JHY: variants seen among roughly 807,000 people sequenced by gnomAD.
JHY encodes junctional cadherin complex regulator.
JHY carries 69 observed loss-of-function variants against 78.0 expected under a neutral mutation model. That is an observed-to-expected ratio of 0.88 (90% CI 0.73 to 1.08). The LOEUF (loss-of-function observed/expected upper bound fraction) is 1.08. Ranked by LOEUF, JHY falls within the 50% of genes least tolerant of loss-of-function variation. The pLI, the probability that JHY is intolerant of heterozygous loss-of-function variation, is 0.00. For synonymous variants in JHY, 368 were observed against 342.6 expected (o/e 1.07, Z -0.82); for missense variants, 944 against 927.8 (o/e 1.02, Z -0.23).
At chr11:122,884,131 A>T (rs573113927) in intron 1 of JHY, among the ~76,000 whole-genome samples, 1 of 152,372 alleles carries the variant, frequency 6.6e-6, no homozygotes, top group East Asian at 1.9e-4. Flanking sequence ...ACCAGTCTGT[A>T]ATATTAGAGA....
intron 4 of JHY, chr11:122,927,123 A>G (rs1863524670): frequency 6.6e-6 from 1 of 152,218 alleles, no homozygotes; most frequent in Admixed American, 6.5e-5. Flanking sequence ...ACCCACCATG[A>G]TGACTTGAAA....
At chr11:122,926,187 C>CAAAAAAAAAAAA (rs574945272) in intron 4 of JHY, among the ~76,000 whole-genome samples, 1 of 40,076 alleles carries the variant, frequency 2.5e-5, no homozygotes, top group East Asian at 8.7e-4. Flanking sequence ...GACTCCATCT[C>CAAAAAAAAAAAA]AAAAAAAAAA....
At chr11:122,884,546 C>T (rs1395061679) in intron 1 of JHY, among the ~76,000 whole-genome samples, 2 of 152,130 alleles carry the variant, frequency 1.3e-5, no homozygotes, top group East Asian at 1.9e-4. Context: ...CATGTCCGTT[C>T]GGTCCTACAT....
chr11:122,885,818 GT>G lies in JHY; in HGVS notation c.-31del. The G allele has an allele frequency of 1.3e-6, 2 of 1,526,234 alleles. No homozygotes were observed. Among genetic ancestry groups the G allele is most frequent in the African/African-American group, 1.4e-5 (1 of 72,776 alleles). The allele number at this position is 1,526,234 out of a possible 1,614,324, so 94.5% of individuals were successfully genotyped here. A position where few individuals can be genotyped will look rare whatever the true frequency, so the allele number is the denominator to read the frequency against. On this transcript the variant is annotated 5_prime_UTR_variant, in exon 2 of 9. Coordinates refer to ENST00000227349, the MANE Select transcript of JHY (RefSeq NM_024806.4). ...CAGCCAGCTGCTCCTATCAACACGA[GT>G]ATCCCCTGTTAATTTTTTGCATTTT... is the stretch of plus-strand genomic sequence containing the variant.
intron 4 of JHY, among the ~76,000 whole-genome samples, chr11:122,928,826 T>A (rs1863570980): frequency 6.6e-6 from 1 of 152,136 alleles, no homozygotes. Context: ...TTTTTTGTAT[T>A]TTTAGTAGAG....
chr11:122,951,029 A>G (rs1252620528), intron 6 of JHY, among the ~76,000 whole-genome samples: 1 of 152,238 alleles, frequency 6.6e-6, no homozygotes, highest in Admixed American at 6.5e-5. Context: ...CTTAGAAATG[A>G]GCTATTTGTA....
rs74986796 is a variant in JHY, at chr11:122,961,125, G to T, written c.*1680G>T. ...CCAATTGAGAGAGCCAGAAACAGTT[G>T]ACTGACTAAATGGAAACTAGGCTAT... On this transcript the variant is annotated 3_prime_UTR_variant, in exon 9 of 9. Coordinates refer to ENST00000227349, the MANE Select transcript of JHY (RefSeq NM_024806.4). 22,307 of 812,778 alleles carry T rather than the reference G, an allele frequency of 0.027. 701 individuals carry two copies. Among genetic ancestry groups the T allele is most frequent in the East Asian group, 0.11 (3,776 of 34,952 alleles). The allele number at this position is 812,778 out of a possible 1,614,324, so 50.3% of individuals were successfully genotyped here.
At chr11:122,901,142 CTG>C (rs1443074928) in intron 2 of JHY, among the ~76,000 whole-genome samples, 5 of 152,202 alleles carry the variant, frequency 3.3e-5, no homozygotes, top group African/African-American at 1.2e-4. Context: ...ATACTAAACA[CTG>C]TAGGGAATTA....
intron 3 of JHY, among the ~76,000 whole-genome samples, chr11:122,906,313 C>T (rs1252976968): frequency 2.6e-5 from 4 of 152,008 alleles, no homozygotes; most frequent in Admixed American, 6.6e-5. Flanking sequence ...TCAGCCTCGG[C>T]GAGTAGCTGG....
At chr11:122,953,429 C>T (rs1864133009) in intron 6 of JHY, among the ~76,000 whole-genome samples, 1 of 151,658 alleles carries the variant, frequency 6.6e-6, no homozygotes, top group African/African-American at 2.4e-5. Flanking sequence ...ATGGTGAAAC[C>T]CTGCCTCACT....
intron 3 of JHY, among the ~76,000 whole-genome samples, chr11:122,922,570 G>A (rs1161785183): frequency 6.6e-6 from 1 of 151,596 alleles, no homozygotes; most frequent in African/African-American, 2.4e-5. Context: ...CCAGCACTTT[G>A]GAGGCCGAGG....
Position 122,960,516 on chromosome 11 carries a change from G to A in JHY, c.*1071G>A, listed in dbSNP as rs965652550. 20 of 235,914 alleles carry A rather than the reference G, an allele frequency of 8.5e-5. No individual in the cohort carries two copies. Among genetic ancestry groups the A allele is most frequent in the Non-Finnish European group, 1.4e-4 (16 of 112,722 alleles). 14.6% of individuals were successfully genotyped at this position (235,914 alleles called of 1,614,324 possible). A position where few individuals can be genotyped will look rare whatever the true frequency, so the allele number is the denominator to read the frequency against. On this transcript the variant is annotated 3_prime_UTR_variant, in exon 9 of 9. Coordinates refer to ENST00000227349, the MANE Select transcript of JHY (RefSeq NM_024806.4). ...AGTTCGTTTTGGGCTGATCCCTGAG[G>A]AATTCTTCCAATTTCTTTATCCTGA...
In JHY at chr11:122,899,995, G is replaced by A. The variant is rs184084533; in HGVS notation, c.345-3930G>A. Among the ~76,000 whole-genome samples the A allele has an allele frequency of 3.3e-3, 505 of 152,338 alleles. 3 individuals carry two copies. Among genetic ancestry groups the A allele is most frequent in the Middle Eastern group, 6.8e-3 (2 of 294 alleles). ...GGACAGGAAACACTGTGAGTTCCTA[G>A]GACAGTGCATCACTTGGGAGAAACC... On this transcript the variant is annotated intron_variant, in intron 2 of 8. Coordinates refer to ENST00000227349, the MANE Select transcript of JHY (RefSeq NM_024806.4).
rs752583311 is a variant in JHY, at chr11:122,946,449, T to C, written c.1635-49T>C. 16 of 1,516,082 alleles carry C rather than the reference T, an allele frequency of 1.1e-5. No homozygotes were observed. In the Admixed American group the frequency reaches 3.4e-4, roughly 32 times the overall value. The allele number at this position is 1,516,082 out of a possible 1,614,324, so 93.9% of individuals were successfully genotyped here. A position where few individuals can be genotyped will look rare whatever the true frequency, so the allele number is the denominator to read the frequency against. On this transcript the variant is annotated intron_variant, in intron 5 of 8. Coordinates refer to ENST00000227349, the MANE Select transcript of JHY (RefSeq NM_024806.4). ...AAAGACTTTTATGCTAGATGTCTTA[T>C]GTATTTGGATTTTATTAATAGATTT... is the stretch of plus-strand genomic sequence containing the variant.
intron 3 of JHY, among the ~76,000 whole-genome samples, chr11:122,907,031 G>A (rs1291712386): frequency 6.6e-6 from 1 of 152,050 alleles, no homozygotes; most frequent in Non-Finnish European, 1.5e-5. Context: ...TTGCTGGAGT[G>A]TAGTTGCTAT....
rs183891444 is a variant in JHY at position 122,934,939 on chromosome 11, T to C, written c.1498T>C (p.Ser500Pro). The change falls in exon 5 of 9, where the codon TCT (serine) becomes CCT (proline). Residue 500 changes from serine to proline, a missense_variant. Transcript: ENST00000227349. ...DMDLNNLNEL[S>P]KRHVLLSQKG... ...GGATTTGAACAACCTTAATGAACTT[T>C]CTAAGAGACACGTGCTCCTGAGCCA... 4.3e-6 allele frequency: 7 copies of C among 1,614,104 alleles called. No homozygotes were observed. The Admixed American group carries it at 6.7e-5, about 15-fold the overall frequency.
chr11:122,952,207 G>A (rs1382080858), intron 6 of JHY, among the ~76,000 whole-genome samples: 3 of 152,192 alleles, frequency 2.0e-5, no homozygotes, highest in African/African-American at 7.2e-5. Context: ...TGATGAAAAT[G>A]TTCTAAAATT....
intron 6 of JHY, among the ~76,000 whole-genome samples, chr11:122,950,047 T>G (rs1271227167): frequency 6.6e-6 from 1 of 152,082 alleles, no homozygotes; most frequent in Non-Finnish European, 1.5e-5. Flanking sequence ...TTGGCCAGGC[T>G]GGTCTCGAAC....
intron 5 of JHY, among the ~76,000 whole-genome samples, chr11:122,940,730 T>A (rs1014711555): frequency 2.0e-5 from 3 of 152,214 alleles, no homozygotes; most frequent in Non-Finnish European, 4.4e-5. Flanking sequence ...TCCATTACAC[T>A]GGGGTTGCAA....
Sources: gnomAD v4.1 joint callset for allele counts (sites outside exome capture counted in the v4.1 genomes callset) on GRCh38, gnomAD v4.1.1 for gene constraint, MANE v1.5 for transcripts, NCBI Gene and HGNC (gene_info 2026-07-23, HGNC 2026-07-21) for gene names.